The following TMEM114 variants were observed in gnomAD, a reference collection of about 807,000 sequenced individuals.
The protein encoded by TMEM114 is claudin-26.
TMEM114 carries 6 observed loss-of-function variants against 6.2 expected under a neutral mutation model. The observed-to-expected ratio is 0.97, with a 90% CI of 0.53 to 1.91. TMEM114 has a LOEUF of 1.91. Among genes scored for constraint, TMEM114 ranks in the 40% most tolerant of loss-of-function variants. The pLI, the probability that TMEM114 is intolerant of heterozygous loss-of-function variation, is 0.01. For synonymous variants in TMEM114, 104 were observed against 73.0 expected (o/e 1.42, Z -2.16); for missense variants, 218 against 158.3 (o/e 1.38, Z -2.02).
rs1447253939 is a variant in TMEM114, at chr16:8,556,920, C to T, written n.213-19094G>A. Among the ~76,000 whole-genome samples the T allele has an allele frequency of 2.0e-5, 3 of 152,178 alleles. No individual in the cohort carries two copies. In the East Asian group the frequency reaches 5.8e-4, roughly 29 times the overall value. On this transcript the variant is annotated intron_variant and non_coding_transcript_variant, in intron 2 of 2. Transcript: ENST00000623677. ...CTCCCTGTGGCCTTCCGTAATGTGG[C>T]CCCTGCTGACCGCTCCAGCCTCTGT...
At chr16:8,561,925 TGAG>T (rs1391899469) in intron 2 of TMEM114, among the ~76,000 whole-genome samples, 5 of 19,282 alleles carry the variant, frequency 2.6e-4, no homozygotes. Context: ...AGTAAGTGAA[TGAG>T]TGAGTGAGTA....
At chr16:8,539,081 A>AT (rs1054996493) in intron 2 of TMEM114, among the ~76,000 whole-genome samples, 6 of 152,036 alleles carry the variant, frequency 3.9e-5, no homozygotes, top group African/African-American at 1.2e-4. Context: ...GTGAGTTGCG[A>AT]TTTTTTTTAG....
At chr16:8,556,868 A>T (rs1341464139) in intron 2 of TMEM114, among the ~76,000 whole-genome samples, 2 of 152,126 alleles carry the variant, frequency 1.3e-5, no homozygotes, top group African/African-American at 4.8e-5. Context: ...CAATTTTTTA[A>T]CACCCTTCAC....
chr16:8,577,101 A>G (rs949223023), intron 2 of TMEM114, among the ~76,000 whole-genome samples: 1 of 152,244 alleles, frequency 6.6e-6, no homozygotes, highest in Non-Finnish European at 1.5e-5. Context: ...AGCTGCCTCA[A>G]TGAGCTTCAA....
intron 2 of TMEM114, among the ~76,000 whole-genome samples, chr16:8,587,070 T>C (rs1005338340): frequency 2.0e-5 from 3 of 152,196 alleles, no homozygotes; most frequent in East Asian, 3.9e-4. Flanking sequence ...AAATTGGCCA[T>C]GGTGGAAGTA....
chr16:8,561,613 G>A (rs1269816193), intron 2 of TMEM114, among the ~76,000 whole-genome samples: 5 of 152,222 alleles, frequency 3.3e-5, no homozygotes. Context: ...ATATGAATGA[G>A]TAAGTGAATG....
chr16:8,546,152 A>T (rs1013274715), intron 2 of TMEM114, among the ~76,000 whole-genome samples: 2 of 152,244 alleles, frequency 1.3e-5, no homozygotes, highest in South Asian at 4.1e-4. Flanking sequence ...TAAAACAATT[A>T]TATTAAGAAC....
chr16:8,590,020 C>T lies in TMEM114; in HGVS notation c.-182G>A. ...CCTAGCTTAGACCCTGGCTCCTCAC[C>T]TGCCGGCTCCGACCTGCACGCGCCC... On this transcript the variant is annotated 5_prime_UTR_variant, in exon 1 of 4. Coordinates refer to ENST00000620492, the MANE Select transcript of TMEM114 (RefSeq NM_001146336.2). 2.6e-6 allele frequency: 1 copy of T among 381,510 alleles called. No homozygotes were observed. Among genetic ancestry groups the T allele is most frequent in the East Asian group, 3.8e-5 (1 of 26,416 alleles). 23.6% of individuals were successfully genotyped at this position (381,510 alleles called of 1,614,324 possible).
chr16:8,545,487 C>A (rs1042456461), intron 2 of TMEM114, among the ~76,000 whole-genome samples: 1 of 152,164 alleles, frequency 6.6e-6, no homozygotes, highest in Non-Finnish European at 1.5e-5. Context: ...ATCATCATCA[C>A]CTATTGCTAT....
downstream of TMEM114, among the ~76,000 whole-genome samples, chr16:8,567,842 G>A (rs1302146765): frequency 6.6e-6 from 1 of 152,112 alleles, no homozygotes; most frequent in Non-Finnish European, 1.5e-5. Flanking sequence ...CCGCCCTTTC[G>A]GTAGCATGGT....
At chr16:8,584,659 A>G (rs1902257857) in intron 2 of TMEM114, among the ~76,000 whole-genome samples, 1 of 152,074 alleles carries the variant, frequency 6.6e-6, no homozygotes, top group South Asian at 2.1e-4. Context: ...GTAATGGCCC[A>G]CCCTGTAATC....
chr16:8,529,226 A>T, the TMEM114 span, among the ~76,000 whole-genome samples: 1 of 152,202 alleles, frequency 6.6e-6, no homozygotes, highest in Non-Finnish European at 1.5e-5. Flanking sequence ...TCTTATCACT[A>T]GCTTTCCACT....
intron 2 of TMEM114, among the ~76,000 whole-genome samples, chr16:8,557,585 T>A (rs1239066389): frequency 6.6e-6 from 1 of 152,132 alleles, no homozygotes; most frequent in Admixed American, 6.5e-5. Context: ...TTGGGTAATT[T>A]ATTAGGCAGC....
At chr16:8,543,367 G>A (rs780980673) in intron 2 of TMEM114, among the ~76,000 whole-genome samples, 46 of 152,166 alleles carry the variant, frequency 3.0e-4, no homozygotes, top group Non-Finnish European at 6.3e-4. Flanking sequence ...AATTCATGGT[G>A]TGGCACTTGC....
At chr16:8,585,345 C>G (rs1902286031) in intron 2 of TMEM114, among the ~76,000 whole-genome samples, 1 of 152,122 alleles carries the variant, frequency 6.6e-6, no homozygotes, top group South Asian at 2.1e-4. Context: ...CCTAACAGTC[C>G]TCCATCTGCC....
intron 2 of TMEM114, among the ~76,000 whole-genome samples, chr16:8,548,964 C>G (rs1032396736): frequency 1.3e-5 from 2 of 151,982 alleles, no homozygotes; most frequent in South Asian, 2.1e-4. Context: ...AGGTGGATCA[C>G]AAGGTCAGGA....
intron 2 of TMEM114, 67 bp from the exon 3 acceptor site, chr16:8,572,291 C>T (rs1596309810): frequency 1.3e-6 from 2 of 1,535,288 alleles, no homozygotes; most frequent in East Asian, 2.4e-5. Context: ...AATCAACAAA[C>T]ACTTCCCGAG....
At position 8,574,981 on chromosome 16, in the gene TMEM114, G is replaced by A. The variant is rs376004445; in HGVS notation, c.302-2757C>T. Among the ~76,000 whole-genome samples the A allele has an allele frequency of 4.5e-4, 68 of 152,228 alleles. 2 individuals carry two copies. In the South Asian group the frequency reaches 0.013, roughly 30 times the overall value. ...AACATGAATATTGATTCCAAGTTCT[G>A]TTCTACTTAGAAATGCTCCCATCGC... On this transcript the variant is annotated intron_variant, in intron 2 of 3. Transcript: ENST00000620492.
At chr16:8,554,300 A>C (rs1900938353) in intron 2 of TMEM114, among the ~76,000 whole-genome samples, 1 of 152,134 alleles carries the variant, frequency 6.6e-6, no homozygotes, top group Non-Finnish European at 1.5e-5. Flanking sequence ...TCAAGCCTGC[A>C]ATTCCAGCCC....
Sources: gnomAD v4.1 joint callset for allele counts (sites outside exome capture counted in the v4.1 genomes callset) on GRCh38, gnomAD v4.1.1 for gene constraint, MANE v1.5 for transcripts, NCBI Gene and HGNC (gene_info 2026-07-23, HGNC 2026-07-21) for gene names.